CNTNAP2: variants seen among roughly 807,000 people sequenced by gnomAD.
CNTNAP2 encodes the protein contactin associated protein 2.
A neutral mutation model predicts 155.2 loss-of-function variants in CNTNAP2; 98 were observed. That is an observed-to-expected ratio of 0.63 (90% confidence interval 0.54 to 0.75). The LOEUF (loss-of-function observed/expected upper bound fraction) is 0.75. Among genes scored for constraint, CNTNAP2 ranks in the 30% least tolerant of loss-of-function variants. CNTNAP2 has a pLI of 0.00. For synonymous variants in CNTNAP2, 651 were observed against 631.2 expected (o/e 1.03, Z -0.47); for missense variants, 1,727 against 1,688.1 (o/e 1.02, Z -0.40).
intron 3 of CNTNAP2, among the ~76,000 whole-genome samples, chr7:146,979,117 T>C (rs564217080): frequency 5.6e-4 from 85 of 152,260 alleles, no homozygotes; most frequent in Middle Eastern, 3.4e-3. Context: ...TCCCCCAGTA[T>C]TGATTTTGTT....
chr7:146,383,525 C>A (rs1198785580), intron 1 of CNTNAP2, among the ~76,000 whole-genome samples: 1 of 152,066 alleles, frequency 6.6e-6, no homozygotes, highest in Non-Finnish European at 1.5e-5. Flanking sequence ...ATTTTAAATA[C>A]CCCATACATT....
At chr7:146,598,934 T>C (rs1162467708) in intron 1 of CNTNAP2, among the ~76,000 whole-genome samples, 7 of 152,028 alleles carry the variant, frequency 4.6e-5, no homozygotes, top group East Asian at 1.9e-4. Context: ...AAAATGAAAA[T>C]CCTTCCAATT....
At chr7:146,964,336 C>G (rs950999642) in intron 3 of CNTNAP2, among the ~76,000 whole-genome samples, 1 of 152,116 alleles carries the variant, frequency 6.6e-6, no homozygotes, top group African/African-American at 2.4e-5. Context: ...AAAAGAATAG[C>G]CTGTAACTAA....
At chr7:146,432,800 T>C (rs952878118) in intron 1 of CNTNAP2, among the ~76,000 whole-genome samples, 3 of 152,178 alleles carry the variant, frequency 2.0e-5, no homozygotes, top group African/African-American at 7.2e-5. Context: ...GTACTCTCTT[T>C]AATATAGTTT....
At chr7:146,354,507 C>T (rs1264754459) in intron 1 of CNTNAP2, among the ~76,000 whole-genome samples, 1 of 151,604 alleles carries the variant, frequency 6.6e-6, no homozygotes, top group Non-Finnish European at 1.5e-5. Context: ...CTCCACCTCC[C>T]AGGTTCAGGT....
chr7:146,641,728 GA>G (rs1230715761), intron 1 of CNTNAP2, among the ~76,000 whole-genome samples: 1 of 151,910 alleles, frequency 6.6e-6, no homozygotes, highest in South Asian at 2.1e-4. Context: ...GGAGGAGAGA[GA>G]AAAAAATGTT....
At chr7:147,696,809 A>G (rs1563056409) in intron 13 of CNTNAP2, among the ~76,000 whole-genome samples, 1 of 151,594 alleles carries the variant, frequency 6.6e-6, no homozygotes, top group African/African-American at 2.4e-5. Flanking sequence ...TTTTTCTCCC[A>G]ACACCTTGAA....
intron 1 of CNTNAP2, among the ~76,000 whole-genome samples, chr7:146,735,694 C>T (rs1801604994): frequency 6.6e-6 from 1 of 151,870 alleles, no homozygotes; most frequent in African/African-American, 2.4e-5. Flanking sequence ...TATGTATGTG[C>T]ATATATATAC....
chr7:147,467,092 T>C (rs1450712981), intron 10 of CNTNAP2, among the ~76,000 whole-genome samples: 1 of 152,186 alleles, frequency 6.6e-6, no homozygotes, highest in Admixed American at 6.5e-5. Flanking sequence ...ACACTGAAAA[T>C]AAGACATTTC....
At chr7:148,290,691 C>T (rs1355464388) in intron 21 of CNTNAP2, among the ~76,000 whole-genome samples, 1 of 152,142 alleles carries the variant, frequency 6.6e-6, no homozygotes, top group African/African-American at 2.4e-5. Context: ...GGTAGTTGTT[C>T]ATTCCCTGTC....
chr7:148,060,860 A>T (rs183866578), intron 15 of CNTNAP2, among the ~76,000 whole-genome samples: 240 of 152,336 alleles, frequency 1.6e-3, no homozygotes, highest in African/African-American at 5.6e-3. Context: ...GTCTTTCACC[A>T]GGCTTGAGCA....
intron 1 of CNTNAP2, among the ~76,000 whole-genome samples, chr7:146,479,449 T>TA (rs1452115922): frequency 6.6e-6 from 1 of 152,216 alleles, no homozygotes; most frequent in East Asian, 1.9e-4. Context: ...ATATTAGCTA[T>TA]ATCACATAAA....
intron 13 of CNTNAP2, among the ~76,000 whole-genome samples, chr7:147,684,073 CTG>C (rs2116983291): frequency 6.6e-6 from 1 of 151,910 alleles, no homozygotes; most frequent in South Asian, 2.1e-4. Flanking sequence ...TTTATTCTAA[CTG>C]TGAGAAAAGT....
intron 12 of CNTNAP2, among the ~76,000 whole-genome samples, chr7:147,634,919 T>C (rs895248080): frequency 6.6e-6 from 1 of 152,130 alleles, no homozygotes; most frequent in Non-Finnish European, 1.5e-5. Flanking sequence ...TTCTTCCTTC[T>C]GTCACTCAGT....
intron 1 of CNTNAP2, among the ~76,000 whole-genome samples, chr7:146,760,116 T>C (rs1227902362): frequency 6.6e-5 from 10 of 152,118 alleles, no homozygotes; most frequent in African/African-American, 2.4e-4. Context: ...TTCAATTAGA[T>C]GTGAAGATAC....
chr7:147,975,072 A>ACG (rs71183040), intron 14 of CNTNAP2, among the ~76,000 whole-genome samples: 2,772 of 151,392 alleles, frequency 0.018, 44 homozygotes, highest in Non-Finnish European at 0.026. Flanking sequence ...TTTTTGTATT[A>ACG]TGTATAATAC....
At chr7:146,947,563 A>G (rs1797211896) in intron 3 of CNTNAP2, among the ~76,000 whole-genome samples, 2 of 28,378 alleles carry the variant, frequency 7.0e-5, no homozygotes, top group Admixed American at 4.9e-4. Context: ...GTGTGTATAT[A>G]TATATATATA....
intron 1 of CNTNAP2, among the ~76,000 whole-genome samples, chr7:146,386,379 A>C (rs1371186200): frequency 6.6e-6 from 1 of 152,076 alleles, no homozygotes; most frequent in Non-Finnish European, 1.5e-5. Context: ...TTTATGTTTT[A>C]TTTGTATTTG....
chr7:146,940,849 A>G (rs1052741254), intron 3 of CNTNAP2, among the ~76,000 whole-genome samples: 1 of 145,868 alleles, frequency 6.9e-6, no homozygotes, highest in Admixed American at 6.7e-5. Flanking sequence ...AGAGAGAGAA[A>G]GAGAGAGAGA....
Sources: gnomAD v4.1 joint callset for allele counts (sites outside exome capture counted in the v4.1 genomes callset) on GRCh38, gnomAD v4.1.1 for gene constraint, MANE v1.5 for transcripts, NCBI Gene and HGNC (gene_info 2026-07-23, HGNC 2026-07-21) for gene names.